Variants in TRIO observed in about 807,000 individuals in gnomAD.
TRIO encodes the protein triple functional domain protein.
Under a neutral mutation model 351.9 loss-of-function variants are expected in TRIO, and 58 were observed. The observed-to-expected ratio is 0.16, with a 90% confidence interval of 0.13 to 0.21. The LOEUF is 0.21. Ranked by LOEUF, TRIO falls within the 10% of genes least tolerant of loss-of-function variation. The probability of loss-of-function intolerance (pLI) is 1.00; values close to 1 mark genes in which losing one functional copy is unlikely to be tolerated. For synonymous variants in TRIO, 1,758 were observed against 1,595.7 expected, an observed-to-expected ratio of 1.10 and a Z score of -2.42; for missense variants, 3,201 against 4,027.8, an observed-to-expected ratio of 0.79 and a Z score of 5.56.
intron 1 of TRIO, among the ~76,000 whole-genome samples, chr5:14,181,221 C>T (rs371293329): frequency 1.9e-4 from 29 of 151,552 alleles, no homozygotes; most frequent in Non-Finnish European, 2.9e-4. Context: ...CTACAAATAC[C>T]GTATTATTCT....
chr5:14,406,669 T>G lies in TRIO; in HGVS notation c.4956T>G (p.Asp1652Glu), dbSNP rs1164262930. ...SRTSQNTLDSDKLSGGCELTV... is the reference protein window; with the variant it reads ...SRTSQNTLDSEKLSGGCELTV... ...CGTCTCAGAACACGCTGGACAGCGATAAGGTGAGTCACTGCCGGCACTTTG... is the reference window on the plus strand; with the variant it reads ...CGTCTCAGAACACGCTGGACAGCGAGAAGGTGAGTCACTGCCGGCACTTTG... Residue 1652 changes from aspartate to glutamate, a missense_variant, in exon 33 of 57, where the codon GAT becomes GAG. Coordinates refer to ENST00000344204, the MANE Select transcript of TRIO (RefSeq NM_007118.4). The G allele has an allele frequency of 6.2e-7, 1 of 1,613,646 alleles. No homozygotes were observed. The highest frequency in any genetic ancestry group is 8.5e-7 in the Non-Finnish European group (1 of 1,179,822).
chr5:14,406,508 A>G (rs1408185117), intron 32 of TRIO, 65 bp from the exon 33 acceptor site: 2 of 1,492,952 alleles, frequency 1.3e-6, no homozygotes, highest in Non-Finnish European at 1.9e-6. Flanking sequence ...TAAACAAATC[A>G]GTTGCTTCTC....
Position 14,297,134 on chromosome 5 carries a change from C to T in TRIO, c.1239C>T (p.His413=), listed in dbSNP as rs1435076540. ...SVANRLVESG[H]YASQQIRQIA... ...CCAATCGTCTGGTGGAGTCTGGCCA[C>T]TATGCCTCGCAGCAGATCAGGCAGA... The change falls in exon 7 of 57, where the codon CAC becomes CAT. Residue 413 remains histidine, a synonymous_variant. Coordinates refer to ENST00000344204, the MANE Select transcript of TRIO (RefSeq NM_007118.4). 1 of 1,614,194 alleles carries T rather than the reference C, an allele frequency of 6.2e-7. No homozygotes were observed. Among genetic ancestry groups the T allele is most frequent in the East Asian group, 2.2e-5 (1 of 44,878 alleles).
chr5:14,406,382 G>T, intron 32 of TRIO, 191 bp from the exon 33 acceptor site: 1 of 602,792 alleles, frequency 1.7e-6, no homozygotes, highest in Non-Finnish European at 3.0e-6. Flanking sequence ...AGGATGATAT[G>T]TTTTAAACAC....
intron 15 of TRIO, among the ~76,000 whole-genome samples, chr5:14,365,933 A>G (rs1744557617): frequency 6.6e-6 from 1 of 152,170 alleles, no homozygotes; most frequent in African/African-American, 2.4e-5. Context: ...CAGAAAAGAA[A>G]TATTTTCACA....
chr5:14,252,836 A>G (rs56334634), intron 1 of TRIO, among the ~76,000 whole-genome samples: 53,224 of 151,714 alleles, frequency 0.35, 11,247 homozygotes, highest in African/African-American at 0.59. Context: ...CCATTCATTG[A>G]GGGAGAGGTT....
At position 14,456,492 on chromosome 5, in the gene TRIO, G is replaced by A. The variant is rs149178240; in HGVS notation, c.5204-4527G>A. Among the ~76,000 whole-genome samples, 1,024 of 152,344 alleles carry A rather than the reference G, an allele frequency of 6.7e-3. 6 individuals carry two copies. Among genetic ancestry groups the A allele is most frequent in the African/African-American group, 0.023 (974 of 41,584 alleles). On this transcript the variant is annotated intron_variant, in intron 34 of 56. Transcript: ENST00000344204. Reference sequence around the variant, plus strand: ...GCCTTCAGAGGGCTGCTCTTGTTATGGGTTTGAGCCATCCACAATCAAATC... The same window carrying A: ...GCCTTCAGAGGGCTGCTCTTGTTATAGGTTTGAGCCATCCACAATCAAATC...
intron 1 of TRIO, among the ~76,000 whole-genome samples, chr5:14,151,405 TG>T (rs1787825843): frequency 6.6e-6 from 1 of 152,068 alleles, no homozygotes; most frequent in Non-Finnish European, 1.5e-5. Context: ...TGTGTGTGTG[TG>T]TGTATGTATG....
intron 1 of TRIO, among the ~76,000 whole-genome samples, chr5:14,159,864 C>T (rs1051935196): frequency 4.6e-5 from 7 of 152,144 alleles, no homozygotes; most frequent in Admixed American, 6.5e-5. Flanking sequence ...CGCGTCCGGC[C>T]GAGCTTTATA....
chr5:14,474,020 T>C lies in TRIO; in HGVS notation c.6006T>C (p.Asp2002=). ...GCTACATGGCACTTATGAAAGAAGA[T>C]GGTGTTCCTGATGACATGAAAGGAA... is the stretch of plus-strand genomic sequence containing the variant. ...VEGYMALMKE[D]GVPDDMKGKD... is the part of the protein sequence containing the mutation. The change falls in exon 40 of 57, where the codon GAT becomes GAC. Residue 2002 remains aspartate (D), a synonymous_variant. Coordinates refer to ENST00000344204, the MANE Select transcript of TRIO (RefSeq NM_007118.4). 1 of 1,613,496 alleles carries C rather than the reference T, an allele frequency of 6.2e-7. No homozygotes were observed. Among genetic ancestry groups the C allele is most frequent in the Non-Finnish European group, 8.5e-7 (1 of 1,179,488 alleles).
At chr5:14,354,075 C>T (rs558933810) in intron 11 of TRIO, among the ~76,000 whole-genome samples, 15 of 152,316 alleles carry the variant, frequency 9.8e-5, no homozygotes, top group Non-Finnish European at 1.5e-4. Flanking sequence ...TCTCCCAGTT[C>T]AGGGCCCAGA....
chr5:14,443,983 C>T (rs1310999332), intron 34 of TRIO, among the ~76,000 whole-genome samples: 1 of 152,104 alleles, frequency 6.6e-6, no homozygotes, highest in Non-Finnish European at 1.5e-5. Context: ...CTGACTCAAG[C>T]TCAGGAAAAA....
chr5:14,339,484 C>CT (rs1333879696), intron 11 of TRIO, among the ~76,000 whole-genome samples: 2 of 152,204 alleles, frequency 1.3e-5, no homozygotes, highest in Non-Finnish European at 2.9e-5. Context: ...GTTTTAAGGA[C>CT]TAAGTGGTTC....
At chr5:14,324,176 C>G (rs1740160371) in intron 9 of TRIO, among the ~76,000 whole-genome samples, 1 of 152,064 alleles carries the variant, frequency 6.6e-6, no homozygotes. Flanking sequence ...TGTGGGCTGG[C>G]AGGGAGGAAA....
intron 27 of TRIO, among the ~76,000 whole-genome samples, chr5:14,392,673 A>G (rs1470275319): frequency 1.3e-5 from 2 of 152,246 alleles, no homozygotes; most frequent in African/African-American, 4.8e-5. Context: ...GTTGGAACCA[A>G]CCCAAATGCC....
At chr5:14,406,782 T>C in intron 33 of TRIO, 110 bp downstream of exon 33, 1 of 1,094,580 alleles carries the variant, frequency 9.1e-7, no homozygotes, top group Non-Finnish European at 1.3e-6. Context: ...TTTCAAGCAG[T>C]TGATACGTGC....
At chr5:14,171,765 C>T (rs1431457724) in intron 1 of TRIO, among the ~76,000 whole-genome samples, 4 of 152,020 alleles carry the variant, frequency 2.6e-5, no homozygotes, top group African/African-American at 4.8e-5. Flanking sequence ...AAGAAAGAGA[C>T]GGCAGGAAGG....
At chr5:14,340,164 G>A (rs1295012579) in intron 11 of TRIO, among the ~76,000 whole-genome samples, 1 of 152,192 alleles carries the variant, frequency 6.6e-6, no homozygotes, top group Non-Finnish European at 1.5e-5. Context: ...GGAGGCTGAG[G>A]CAGTTGGATC....
At chr5:14,239,942 G>C (rs1350573199) in intron 1 of TRIO, among the ~76,000 whole-genome samples, 1 of 152,176 alleles carries the variant, frequency 6.6e-6, no homozygotes. Flanking sequence ...GTATTTTCTT[G>C]ATTTAAAAGT....
Sources: gnomAD v4.1 joint callset for allele counts (sites outside exome capture counted in the v4.1 genomes callset) on GRCh38, gnomAD v4.1.1 for gene constraint, MANE v1.5 for transcripts, NCBI Gene and HGNC (gene_info 2026-07-23, HGNC 2026-07-21) for gene names.